KRT23: variants seen among roughly 807,000 people sequenced by gnomAD.
KRT23 encodes keratin, type I cytoskeletal 23.
A neutral mutation model predicts 47.6 loss-of-function variants in KRT23; 38 were observed. The observed-to-expected ratio is 0.80, with a 90% CI of 0.62 to 1.05. The LOEUF is 1.05. KRT23 is among the 50% of genes least tolerant of loss of function. KRT23 has a pLI of 0.00. For missense variants in KRT23, 503 were observed against 529.5 expected, an observed-to-expected ratio of 0.95 and a Z score of 0.49; for synonymous variants, 191 against 199.0, an observed-to-expected ratio of 0.96 and a Z score of 0.34.
Position 40,929,962 on chromosome 17 carries a change from AG to A in KRT23, c.613del (p.Leu205SerfsTer2), listed in dbSNP as rs1567798834. ...TACCTGCTCATGGTGCTTCTTCATG[AG>A]AATGAGCTCTTTCCTCATTCCTTCC... ...EVEGMRKELI[L>X]MKKHHEQEME... is the part of the protein sequence containing the mutation. On this transcript the variant is annotated frameshift_variant, in exon 4 of 9. Transcript: ENST00000209718. LOFTEE classifies it high-confidence loss of function. 6.2e-7 allele frequency: 1 copy of A among 1,614,140 alleles called. No individual in the cohort carries two copies. The highest frequency in any genetic ancestry group is 8.5e-7 in the Non-Finnish European group (1 of 1,180,008).
intron 4 of KRT23, among the ~76,000 whole-genome samples, chr17:40,929,046 A>AG (rs1226304065): frequency 2.7e-5 from 4 of 150,262 alleles, no homozygotes; most frequent in African/African-American, 9.9e-5. Flanking sequence ...AAAAAAAAAA[A>AG]AAAAGAATAT....
In KRT23 at chr17:40,931,604, A is replaced by G. The variant is rs1418641509; in HGVS notation, c.397-149T>C. The G allele has an allele frequency of 1.1e-5, 7 of 630,550 alleles. No individual in the cohort carries two copies. In the Admixed American group the frequency reaches 1.8e-4, roughly 16 times the overall value. 39.1% of individuals were successfully genotyped at this position (630,550 alleles called of 1,614,324 possible). On this transcript the variant is annotated intron_variant, in intron 2 of 8. Transcript: ENST00000209718. ...TGGCAGTGGAACAATGAATAACCGAATCAGTAAATGCTTAGTGAGCACATA... is the reference window on the plus strand; with the variant it reads ...TGGCAGTGGAACAATGAATAACCGAGTCAGTAAATGCTTAGTGAGCACATA...
chr17:40,930,034 G>T lies in KRT23; in HGVS notation c.542C>A (p.Thr181Asn), dbSNP rs775476755. Reference protein sequence around the residue: ...LEIEVEGLRRTLDNLTIVTTD... With the variant: ...LEIEVEGLRRNLDNLTIVTTD... ...TGTGACAATGGTCAGGTTGTCTAAG[G>T]TCCTTCGGAGGCCCTCGACTTCAAT... Residue 181 changes from threonine (T) to asparagine (N), a missense_variant, in exon 4 of 9, where the codon ACC (threonine) becomes AAC (asparagine). Transcript: ENST00000209718. 3.1e-6 allele frequency: 5 copies of T among 1,614,078 alleles called. No homozygotes were observed. Among genetic ancestry groups the T allele is most frequent in the Non-Finnish European group, 4.2e-6 (5 of 1,179,956 alleles).
chr17:40,923,142 C>T (rs1909030912), intron 8 of KRT23, 59 bp from the exon 9 acceptor site: 3 of 1,316,846 alleles, frequency 2.3e-6, no homozygotes, highest in South Asian at 1.2e-5. Flanking sequence ...CTGAACTGTA[C>T]TCATTTTCAT....
At position 40,936,446 on chromosome 17, in the gene KRT23, G is replaced by A. The variant is rs1293789478; in HGVS notation, c.158C>T (p.Pro53Leu). The A allele has an allele frequency of 1.2e-6, 2 of 1,608,520 alleles. No homozygotes were observed. ...ISLSFTTRSC[P>L]PPGGSWGSGR... ...AGAACCCCAAGACCCTCCAGGGGGT[G>A]GGCAGCTCCGCGTGGTGAAGGACAG... The change falls in exon 2 of 9, where the codon CCA (proline) becomes CTA (leucine). Residue 53 changes from proline (P) to leucine (L), a missense_variant. Pro to Leu is a moderately conservative substitution (Grantham distance 98). Coordinates refer to ENST00000209718, the MANE Select transcript of KRT23 (RefSeq NM_015515.5).
intron 3 of KRT23, among the ~76,000 whole-genome samples, chr17:40,930,911 G>A (rs905498289): frequency 3.5e-4 from 53 of 151,622 alleles, no homozygotes; most frequent in African/African-American, 1.3e-3. Context: ...TATCTGATTT[G>A]TTTAAACTAA....
rs1384968014 is a variant in KRT23, at chr17:40,923,049, C to T, written c.1209G>A (p.Gln403=). The T allele has an allele frequency of 1.9e-6, 3 of 1,614,020 alleles. No individual in the cohort carries two copies. Among genetic ancestry groups the T allele is most frequent in the Middle Eastern group, 1.6e-4 (1 of 6,062 alleles). The part of the protein sequence containing the change: ...SATPKIKAIT[Q]ETINGRLVLC... ...GAACTAATCTTCCGTTGATGGTCTC[C>T]TGGGTTATGGCCTTGATCTTTGGAG... The change falls in exon 9 of 9, where the codon CAG becomes CAA. Residue 403 remains glutamine (Q), a synonymous_variant. Coordinates refer to ENST00000209718, the MANE Select transcript of KRT23 (RefSeq NM_015515.5).
At position 40,928,222 on chromosome 17, in the gene KRT23, C is replaced by T. The variant is rs1205855354; in HGVS notation, c.921+16G>A. On this transcript the variant is annotated intron_variant, in intron 6 of 8. Transcript: ENST00000209718. ...GAGGTGGTGTGGGATTCACGGTTTT[C>T]CTAGCCTTGACTCACCGTGCTGTAC... 6.2e-7 allele frequency: 1 copy of T among 1,613,742 alleles called. No individual in the cohort carries two copies. The highest frequency in any genetic ancestry group is 2.2e-5 in the East Asian group (1 of 44,898).
At chr17:40,930,654 C>G (rs1909596337) in intron 3 of KRT23, among the ~76,000 whole-genome samples, 1 of 151,744 alleles carries the variant, frequency 6.6e-6, no homozygotes, top group African/African-American at 2.4e-5. Flanking sequence ...GTCCCAGCTA[C>G]TTGGGAGGCT....
At chr17:40,923,602 A>G (rs978093463) in intron 8 of KRT23, among the ~76,000 whole-genome samples, 1 of 152,244 alleles carries the variant, frequency 6.6e-6, no homozygotes, top group African/African-American at 2.4e-5. Context: ...GAAGAATTGA[A>G]ATCATTAATA....
At chr17:40,928,752 T>C (rs982024552) in intron 4 of KRT23, 145 bp from the exon 5 acceptor site, 16 of 672,382 alleles carry the variant, frequency 2.4e-5, no homozygotes, top group Non-Finnish European at 4.0e-5. Flanking sequence ...TTCTCAAATA[T>C]TACTTACTTG....
chr17:40,926,694 A>G (rs2315600), intron 6 of KRT23, among the ~76,000 whole-genome samples: 70,689 of 151,958 alleles, frequency 0.47, 17,027 homozygotes, highest in East Asian at 0.71. Context: ...ACCTTAAAAT[A>G]TATCTTTCTT....
intron 7 of KRT23, among the ~76,000 whole-genome samples, chr17:40,924,886 CT>C (rs1909129832): frequency 6.6e-6 from 1 of 152,126 alleles, no homozygotes; most frequent in African/African-American, 2.4e-5. Context: ...CTATCCCTTC[CT>C]TTCGGATCAT....
chr17:40,936,242 T>C lies in KRT23; in HGVS notation c.362A>G (p.Gln121Arg). The C allele has an allele frequency of 6.2e-7, 1 of 1,614,222 alleles. No individual in the cohort carries two copies. Among genetic ancestry groups the C allele is most frequent in the Non-Finnish European group, 8.5e-7 (1 of 1,180,048 alleles). The change falls in exon 2 of 9, where the codon CAG becomes CGG. Residue 121 changes from glutamine to arginine, a missense_variant. Transcript: ENST00000209718. ...CAGGTGTGTGATGTTTTCCTCATAC[T>C]GGGAATAATCTTTCTTACTGCCAGG... ...RDPGSKKDYSQYEENITHLQE... is the reference protein window; with the variant it reads ...RDPGSKKDYSRYEENITHLQE...
chr17:40,933,285 C>G (rs2143510330), intron 2 of KRT23, among the ~76,000 whole-genome samples: 1 of 152,284 alleles, frequency 6.6e-6, no homozygotes, highest in Middle Eastern at 3.4e-3. Flanking sequence ...ACTATGGCCC[C>G]TTCCCTTGCT....
At chr17:40,928,421 G>T in intron 5 of KRT23, 25 bp downstream of exon 5, 1 of 1,613,964 alleles carries the variant, frequency 6.2e-7, no homozygotes, top group Non-Finnish European at 8.5e-7. Flanking sequence ...GCAACCTTTG[G>T]GAAGTTTGTG....
chr17:40,935,928 T>C (rs1910030722), intron 2 of KRT23, among the ~76,000 whole-genome samples: 1 of 152,188 alleles, frequency 6.6e-6, no homozygotes, highest in South Asian at 2.1e-4. Context: ...CTGTGAGAAA[T>C]CAGTAGTCTC....
intron 2 of KRT23, 31 bp from the exon 3 acceptor site, chr17:40,931,486 TATCTCACTTGGAC>T: frequency 6.5e-7 from 1 of 1,545,296 alleles, no homozygotes; most frequent in East Asian, 2.2e-5. Flanking sequence ...CACAAAAGGT[TATCTCACTTGGAC>T]ACACCCACAC....
chr17:40,925,248 T>C, intron 7 of KRT23, 106 bp downstream of exon 7: 2 of 940,558 alleles, frequency 2.1e-6, no homozygotes, highest in South Asian at 2.8e-5. Flanking sequence ...ACACAACTTT[T>C]CTCTTGCTAG....
Sources: gnomAD v4.1 joint callset for allele counts (sites outside exome capture counted in the v4.1 genomes callset) on GRCh38, gnomAD v4.1.1 for gene constraint, MANE v1.5 for transcripts, NCBI Gene and HGNC (gene_info 2026-07-23, HGNC 2026-07-21) for gene names.